The following TFRC variants were observed in gnomAD, a reference collection of about 807,000 sequenced individuals.
TFRC encodes the protein transferrin receptor, also known as transferrin receptor protein 1.
A neutral mutation model predicts 85.8 loss-of-function variants in TFRC; 35 were observed. The ratio of observed to expected loss-of-function variants is 0.41; its 90% CI spans 0.31 to 0.54. The LOEUF is 0.54. TFRC is among the 20% of genes least tolerant of loss of function. The pLI is 0.31. For missense variants in TFRC, 828 were observed against 921.5 expected, an observed-to-expected ratio of 0.90 and a Z score of 1.31; for synonymous variants, 362 against 328.6, an observed-to-expected ratio of 1.10 and a Z score of -1.10.
At chr3:196,052,501 C>T (rs754046948) in intron 18 of TFRC, among the ~76,000 whole-genome samples, 10 of 151,844 alleles carry the variant, frequency 6.6e-5, no homozygotes, top group Non-Finnish European at 1.3e-4. Flanking sequence ...AGTACAATGG[C>T]GCGATCTCAG....
In TFRC at chr3:196,075,370, G is replaced by A. The variant is rs561821884; in HGVS notation, c.37-10C>T. 2.1e-5 allele frequency: 34 copies of A among 1,613,808 alleles called. No homozygotes were observed. The South Asian group carries it at 2.4e-4, about 11-fold the overall frequency. ...ATGGTTCTCCACCAAACTGTGTTGCGGAAAAAGGCATGATGAAGAACAGGC... is the reference window on the plus strand; with the variant it reads ...ATGGTTCTCCACCAAACTGTGTTGCAGAAAAAGGCATGATGAAGAACAGGC... On this transcript the variant is annotated splice_polypyrimidine_tract_variant and intron_variant, in intron 2 of 18. Transcript: ENST00000360110.
At chr3:196,077,158 C>G in intron 1 of TFRC, 36 bp from the exon 2 acceptor site, 1 of 1,475,924 alleles carries the variant, frequency 6.8e-7, no homozygotes, top group Non-Finnish European at 9.4e-7. Flanking sequence ...GAGAAAGATA[C>G]TACTGTATCA....
At chr3:196,054,954 C>T (rs1716647101) in intron 17 of TFRC, 126 bp downstream of exon 17, 4 of 946,310 alleles carry the variant, frequency 4.2e-6, no homozygotes, top group Admixed American at 2.0e-5. Flanking sequence ...TACAATTATA[C>T]CTCAGTTCAC....
rs41298103 is a variant in TFRC, at chr3:196,051,551, G to C, written c.*391C>G. On this transcript the variant is annotated 3_prime_UTR_variant, in exon 19 of 19. Coordinates refer to ENST00000360110, the MANE Select transcript of TFRC (RefSeq NM_001128148.3). ...TATCTCCTATTTAGCATCAAATGAAGTTGGAGGATCACTCAAAGTAAGCGA... is the reference window on the plus strand; with the variant it reads ...TATCTCCTATTTAGCATCAAATGAACTTGGAGGATCACTCAAAGTAAGCGA... The C allele has an allele frequency of 8.1e-4, 198 of 244,726 alleles. No individual in the cohort carries two copies. Among genetic ancestry groups the C allele is most frequent in the African/African-American group, 4.2e-3 (190 of 45,372 alleles). The allele number at this position is 244,726 out of a possible 1,614,324, so 15.2% of individuals were successfully genotyped here.
intron 16 of TFRC, among the ~76,000 whole-genome samples, chr3:196,057,781 C>CAAAAAAAAA (rs370832734): frequency 1.3e-5 from 1 of 77,580 alleles, no homozygotes. Context: ...TCACCATTGT[C>CAAAAAAAAA]AAAAAAAAAA....
rs1261319790 is a variant in TFRC at position 196,050,626 on chromosome 3, CT to C, written c.*1315del. The C allele has an allele frequency of 4.9e-6, 1 of 203,518 alleles. No homozygotes were observed. Among genetic ancestry groups the C allele is most frequent in the East Asian group, 7.6e-5 (1 of 13,170 alleles). 12.6% of individuals were successfully genotyped at this position (203,518 alleles called of 1,614,324 possible). On this transcript the variant is annotated 3_prime_UTR_variant, in exon 19 of 19. Transcript: ENST00000360110. ...ATGTGTTAGGATTGTGACAAAGGTACTGGAAATTTTGCAAAATGGGAATTAG... is the reference window on the plus strand; with the variant it reads ...ATGTGTTAGGATTGTGACAAAGGTACGGAAATTTTGCAAAATGGGAATTAG...
rs192580879 is a variant in TFRC at position 196,081,236 on chromosome 3, G to C, written c.-24+807C>G. On this transcript the variant is annotated intron_variant, in intron 1 of 18. Coordinates refer to ENST00000360110, the MANE Select transcript of TFRC (RefSeq NM_001128148.3). The stretch of plus-strand genomic sequence containing the variant: ...ACTCCTATGGCTCCCGTCTTGTAGT[G>C]AGAACTGCTAGCAATATTCTTAATG... Among the ~76,000 whole-genome samples the C allele has an allele frequency of 3.2e-3, 483 of 152,310 alleles. 3 individuals carry two copies. Among genetic ancestry groups the C allele is most frequent in the African/African-American group, 0.011 (465 of 41,560 alleles).
intron 2 of TFRC, among the ~76,000 whole-genome samples, chr3:196,076,372 A>G (rs1023222663): frequency 6.6e-6 from 1 of 151,742 alleles, no homozygotes; most frequent in Non-Finnish European, 1.5e-5. Context: ...CAAACTCCTC[A>G]AGTGATCCTC....
At chr3:196,071,885 C>T (rs1718238321) in intron 5 of TFRC, 118 bp downstream of exon 5, 1 of 1,137,532 alleles carries the variant, frequency 8.8e-7, no homozygotes, top group Non-Finnish European at 1.2e-6. Context: ...GCCTGGGCAA[C>T]AGAGCGAGAC....
chr3:196,061,756 T>C (rs1717302591), intron 13 of TFRC, among the ~76,000 whole-genome samples: 1 of 152,226 alleles, frequency 6.6e-6, no homozygotes, highest in Non-Finnish European at 1.5e-5. Context: ...TCCCAAGTGC[T>C]GGGATTACAG....
rs775554571 is a variant in TFRC, at chr3:196,072,123, C to G, written c.464G>C (p.Arg155Pro). The G allele has an allele frequency of 3.7e-6, 6 of 1,613,650 alleles. No individual in the cohort carries two copies. The highest frequency in any genetic ancestry group is 5.1e-6 in the Non-Finnish European group (6 of 1,179,948). The change falls in exon 5 of 19, where the codon CGT (arginine) becomes CCT (proline). Residue 155 changes from arginine (R) to proline (P), a missense_variant. By Grantham distance (103) the Arg-to-Pro change is moderately radical. Transcript: ENST00000360110. ...TTCATCTTTTTGAGATCCAGCCTCA[C>G]GAGGGACATATGAATTTTCATTCAG... ...KLLNENSYVP[R>P]EAGSQKDENL...
intron 9 of TFRC, among the ~76,000 whole-genome samples, chr3:196,067,141 T>C (rs1441992921): frequency 6.6e-6 from 1 of 152,128 alleles, no homozygotes; most frequent in African/African-American, 2.4e-5. Flanking sequence ...TCCAGACAAA[T>C]GGATGTTTCG....
At chr3:196,065,656 C>G in intron 9 of TFRC, 56 bp from the exon 10 acceptor site, 1 of 1,520,726 alleles carries the variant, frequency 6.6e-7, no homozygotes, top group Non-Finnish European at 8.7e-7. Context: ...CCAGGGTTTA[C>G]TCCTGTCCAG....
chr3:196,055,559 C>T, intron 16 of TFRC: 1 of 529,940 alleles, frequency 1.9e-6, no homozygotes, highest in Non-Finnish European at 3.4e-6. Context: ...TATCATATGC[C>T]CTGAATAGAC....
intron 13 of TFRC, among the ~76,000 whole-genome samples, chr3:196,061,418 C>T (rs1717269278): frequency 6.6e-6 from 1 of 151,978 alleles, no homozygotes; most frequent in South Asian, 2.1e-4. Flanking sequence ...GGTTTTTTTG[C>T]TTCAGGATAC....
At chr3:196,052,897 G>A (rs1716454862) in intron 18 of TFRC, among the ~76,000 whole-genome samples, 1 of 152,100 alleles carries the variant, frequency 6.6e-6, no homozygotes, top group Non-Finnish European at 1.5e-5. Context: ...TGGATCACTT[G>A]AGGTTGGGAG....
chr3:196,058,809 C>G (rs1280969414), intron 14 of TFRC, 177 bp from the exon 15 acceptor site: 1 of 399,246 alleles, frequency 2.5e-6, no homozygotes, highest in Non-Finnish European at 4.4e-6. Context: ...ACTAACTAGG[C>G]TCATGTTGTC....
rs1300373759 is a variant in TFRC, at chr3:196,051,202, T to C, written c.*740A>G. The C allele has an allele frequency of 4.6e-6, 1 of 217,346 alleles. No homozygotes were observed. The highest frequency in any genetic ancestry group is 9.3e-6 in the Non-Finnish European group (1 of 107,796). The allele number at this position is 217,346 out of a possible 1,614,324, so 13.5% of individuals were successfully genotyped here. On this transcript the variant is annotated 3_prime_UTR_variant, in exon 19 of 19. Transcript: ENST00000360110. Reference sequence around the variant, plus strand: ...ACCTGAAACTGGTTCTCTTTCAATGTGCTTTGGAAGAAACAAAAATAACAA... The same window carrying C: ...ACCTGAAACTGGTTCTCTTTCAATGCGCTTTGGAAGAAACAAAAATAACAA...
chr3:196,064,321 T>C lies in TFRC; in HGVS notation c.1306A>G (p.Met436Val). ...ATTTGTACTCTACCTTTTAAGACCA[T>C]ATCTGAGAACATCTGGGCAAGTTTC... ...LLKLAQMFSD[M>V]VLKDGFQPSR... The change falls in exon 11 of 19, where the codon ATG becomes GTG. Residue 436 changes from methionine to valine, a missense_variant. By Grantham distance (21) the Met-to-Val change is conservative (BLOSUM62 1). Coordinates refer to ENST00000360110, the MANE Select transcript of TFRC (RefSeq NM_001128148.3). 2 of 1,612,046 alleles carry C rather than the reference T, an allele frequency of 1.2e-6. No individual in the cohort carries two copies. Among genetic ancestry groups the C allele is most frequent in the East Asian group, 2.2e-5 (1 of 44,836 alleles).
Sources: allele counts gnomAD v4.1 joint callset (sites outside exome capture counted in the v4.1 genomes callset), GRCh38; gene constraint gnomAD v4.1.1; transcripts MANE v1.5; gene names NCBI Gene and HGNC (gene_info 2026-07-23, HGNC 2026-07-21).